The following ZMAT4 variants were observed in gnomAD, a reference collection of about 807,000 sequenced individuals.
The protein encoded by ZMAT4 is zinc finger matrin-type protein 4.
Under a neutral mutation model 28.7 loss-of-function variants are expected in ZMAT4, and 17 were observed. The ratio of observed to expected loss-of-function variants is 0.59; its 90% CI spans 0.41 to 0.89. The LOEUF (loss-of-function observed/expected upper bound fraction) is 0.89. Ranked by LOEUF, ZMAT4 falls within the 40% of genes least tolerant of loss-of-function variation. ZMAT4 has a pLI of 0.00. For synonymous variants in ZMAT4, 117 were observed against 109.2 expected (o/e 1.07, Z -0.44); for missense variants, 240 against 283.8 (o/e 0.85, Z 1.11).
rs534364565 is a variant in ZMAT4, at chr8:40,823,694, C to T, written c.102+1881G>A. On this transcript the variant is annotated intron_variant, in intron 2 of 6. Transcript: ENST00000297737. ...ACATATATATACACATATACATATACACACACACACACGTGTGTGTGTGTG... is the reference window on the plus strand; with the variant it reads ...ACATATATATACACATATACATATATACACACACACACGTGTGTGTGTGTG... 2.8e-3 allele frequency among the ~76,000 whole-genome samples: 423 copies of T among 151,230 alleles called. 1 individual carries two copies. The highest frequency in any genetic ancestry group is 9.8e-3 in the African/African-American group (404 of 41,306).
intron 5 of ZMAT4, among the ~76,000 whole-genome samples, chr8:40,640,951 C>T (rs1302631785): frequency 6.8e-6 from 1 of 147,292 alleles, no homozygotes; most frequent in Non-Finnish European, 1.5e-5. Flanking sequence ...GGGGGAGACT[C>T]CATCTCAAAA....
chr8:40,681,114 A>G (rs901467850), intron 4 of ZMAT4, among the ~76,000 whole-genome samples: 1 of 152,174 alleles, frequency 6.6e-6, no homozygotes, highest in African/African-American at 2.4e-5. Flanking sequence ...TGAACCCACT[A>G]GTGTAGAGTC....
intron 2 of ZMAT4, among the ~76,000 whole-genome samples, chr8:40,773,508 A>G (rs1387892040): frequency 4.1e-5 from 2 of 48,726 alleles, no homozygotes; most frequent in East Asian, 2.3e-4. Flanking sequence ...GGTGGCATCT[A>G]TAAAAAAAAA....
intron 5 of ZMAT4, among the ~76,000 whole-genome samples, chr8:40,673,656 A>G (rs932805080): frequency 6.6e-6 from 1 of 152,186 alleles, no homozygotes; most frequent in Non-Finnish European, 1.5e-5. Flanking sequence ...CTATGCTGCC[A>G]ACATCAAGCT....
intron 1 of ZMAT4, among the ~76,000 whole-genome samples, chr8:40,835,483 A>G (rs1210775139): frequency 6.6e-6 from 1 of 152,214 alleles, no homozygotes; most frequent in African/African-American, 2.4e-5. Context: ...TACCTGCTCC[A>G]GACAGGTGGA....
chr8:40,806,783 A>G (rs185947592), intron 2 of ZMAT4, among the ~76,000 whole-genome samples: 1 of 151,978 alleles, frequency 6.6e-6, no homozygotes, highest in African/African-American at 2.4e-5. Context: ...AAGATTTTTG[A>G]TGTGTTTTTT....
rs143028573 is a variant in ZMAT4 at position 40,885,434 on chromosome 8, G to A, written c.-5+12249C>T. ...CCTTCTTGCCAGGACCAGTGCCTCCGAGGGCGCCTCTGCCTCCACAGAGCC... is the reference window on the plus strand; with the variant it reads ...CCTTCTTGCCAGGACCAGTGCCTCCAAGGGCGCCTCTGCCTCCACAGAGCC... On this transcript the variant is annotated intron_variant, in intron 1 of 6. Coordinates refer to ENST00000297737, the MANE Select transcript of ZMAT4 (RefSeq NM_024645.3). 1.0e-3 allele frequency among the ~76,000 whole-genome samples: 157 copies of A among 152,236 alleles called. No individual in the cohort carries two copies. In the South Asian group the frequency reaches 0.015, roughly 15 times the overall value.
chr8:40,653,512 C>T (rs1807779779), intron 5 of ZMAT4, among the ~76,000 whole-genome samples: 2 of 151,952 alleles, frequency 1.3e-5, no homozygotes, highest in Admixed American at 1.3e-4. Flanking sequence ...AAATATCTAG[C>T]TAAATTGACA....
chr8:40,579,926 C>G (rs561935232), intron 6 of ZMAT4, among the ~76,000 whole-genome samples: 2 of 151,798 alleles, frequency 1.3e-5, no homozygotes, highest in South Asian at 2.1e-4. Context: ...CGGGTGCACA[C>G]GTGGCATTAG....
intron 5 of ZMAT4, among the ~76,000 whole-genome samples, chr8:40,653,169 C>T: frequency 6.6e-6 from 1 of 151,482 alleles, no homozygotes; most frequent in East Asian, 1.9e-4. Context: ...GATCAAGTTA[C>T]AAATAAAAAT....
intron 6 of ZMAT4, among the ~76,000 whole-genome samples, chr8:40,548,346 A>G (rs1174719217): frequency 6.6e-6 from 1 of 152,186 alleles, no homozygotes; most frequent in Non-Finnish European, 1.5e-5. Context: ...GCATATAGCT[A>G]TCTCCTGGCA....
chr8:40,600,126 G>C (rs747831647), intron 5 of ZMAT4, among the ~76,000 whole-genome samples: 9 of 152,196 alleles, frequency 5.9e-5, no homozygotes, highest in Non-Finnish European at 7.3e-5. Context: ...TCACTAAATG[G>C]CTGTTTAATT....
intron 6 of ZMAT4, among the ~76,000 whole-genome samples, chr8:40,564,491 C>A (rs1470883236): frequency 6.6e-6 from 1 of 152,184 alleles, no homozygotes. Context: ...ATTTGCACAT[C>A]TCACTGTGCA....
chr8:40,540,844 C>T (rs966320401), intron 6 of ZMAT4, among the ~76,000 whole-genome samples: 1 of 152,146 alleles, frequency 6.6e-6, no homozygotes, highest in African/African-American at 2.4e-5. Flanking sequence ...TTTTAGTATA[C>T]AGAGCTCAAT....
chr8:40,782,359 C>G (rs1214802908), intron 2 of ZMAT4, among the ~76,000 whole-genome samples: 1 of 151,992 alleles, frequency 6.6e-6, no homozygotes, highest in Non-Finnish European at 1.5e-5. Context: ...GCATTCCAGC[C>G]TGGTGATAGA....
chr8:40,548,475 T>C (rs767530887), intron 6 of ZMAT4, among the ~76,000 whole-genome samples: 1 of 152,212 alleles, frequency 6.6e-6, no homozygotes, highest in Non-Finnish European at 1.5e-5. Context: ...AGAAGTTTTG[T>C]TGGAAATGTT....
At chr8:40,745,907 A>T (rs185575188) in intron 3 of ZMAT4, among the ~76,000 whole-genome samples, 409 of 152,270 alleles carry the variant, frequency 2.7e-3, no homozygotes, top group Non-Finnish European at 3.1e-3. Flanking sequence ...TTTTTATTTC[A>T]TCCTCTAGAA....
chr8:40,657,026 T>C (rs1315805471), intron 5 of ZMAT4, among the ~76,000 whole-genome samples: 2 of 152,166 alleles, frequency 1.3e-5, no homozygotes, highest in Non-Finnish European at 2.9e-5. Context: ...TCAGTATTTA[T>C]TTATTATTTA....
intron 6 of ZMAT4, among the ~76,000 whole-genome samples, chr8:40,555,915 C>T (rs1290366262): frequency 6.6e-6 from 1 of 152,140 alleles, no homozygotes; most frequent in Non-Finnish European, 1.5e-5. Context: ...ACTGCCTTGG[C>T]TAAGGTCATC....
Sources: allele counts gnomAD v4.1 joint callset (sites outside exome capture counted in the v4.1 genomes callset), GRCh38; gene constraint gnomAD v4.1.1; transcripts MANE v1.5; gene names NCBI Gene and HGNC (gene_info 2026-07-23, HGNC 2026-07-21).